Variants in NBPF12 observed in about 807,000 individuals in gnomAD.
NBPF12 encodes the protein NBPF family member NBPF12.
NBPF12 carries 115 observed loss-of-function variants against 146.4 expected under a neutral mutation model. That is an observed-to-expected ratio of 0.79 (90% CI 0.68 to 0.92). NBPF12 has a LOEUF of 0.92. Ranked by LOEUF, NBPF12 falls within the 40% of genes least tolerant of loss-of-function variation. The pLI, the probability that NBPF12 is intolerant of heterozygous loss-of-function variation, is 0.00. For missense variants in NBPF12, 1,205 were observed against 1,326.8 expected, an observed-to-expected ratio of 0.91 and a Z score of 1.43; for synonymous variants, 385 against 508.9, an observed-to-expected ratio of 0.76 and a Z score of 3.28.
intron 9 of NBPF12, 88 bp downstream of exon 12, chr1:146,966,761 A>G: frequency 1.2e-6 from 1 of 819,392 alleles, no homozygotes; most frequent in Non-Finnish European, 2.2e-6. Context: ...CATCAAAAAT[A>G]ATGTCATCCT....
rs1656241577 is a variant in NBPF12 at position 146,966,785 on chromosome 1, G to A, written c.988+112G>A. On this transcript the variant is annotated intron_variant, in intron 9 of 33. Transcript: ENST00000617844. Reference sequence around the variant, plus strand: ...TAATGTCATCCTCCCCATACTTCTAGGAAAACAGAAATGGGTATTTTAACA... The same window carrying A: ...TAATGTCATCCTCCCCATACTTCTAAGAAAACAGAAATGGGTATTTTAACA... 4.0e-6 allele frequency: 3 copies of A among 746,072 alleles called. No homozygotes were observed. The South Asian group carries it at 4.4e-5, about 11-fold the overall frequency. The allele number at this position is 746,072 out of a possible 1,614,324, so 46.2% of individuals were successfully genotyped here. A position where few individuals can be genotyped will look rare whatever the true frequency, so the allele number is the denominator to read the frequency against.
At chr1:146,971,112 G>C in intron 12 of NBPF12, 71 bp from the exon 16 acceptor site, 3 of 1,605,838 alleles carry the variant, frequency 1.9e-6, no homozygotes, top group Non-Finnish European at 2.6e-6. Context: ...GTCAAAACCA[G>C]CTAGGACTCC....
At chr1:146,965,833 G>C (rs1656166397) in intron 8 of NBPF12, among the ~76,000 whole-genome samples, 1 of 136,884 alleles carries the variant, frequency 7.3e-6, no homozygotes. Flanking sequence ...CTCTGACCAG[G>C]GGCGCTGGCT....
At chr1:146,971,809 G>A (rs1656637762) in intron 13 of NBPF12, among the ~76,000 whole-genome samples, 2 of 150,768 alleles carry the variant, frequency 1.3e-5, no homozygotes, top group East Asian at 2.0e-4. Context: ...GCCAGGCGCG[G>A]TGGCTCACAC....
chr1:146,962,252 T>G, exon 5 of NBPF12: 8 of 1,605,030 alleles, frequency 5.0e-6, no homozygotes, highest in Non-Finnish European at 8.5e-7. Context: ...TGAAACAAGC[T>G]GAGGAGCTCA....
intron 2 of NBPF12, among the ~76,000 whole-genome samples, chr1:146,955,027 C>T (rs1164410041): frequency 2.5e-4 from 23 of 91,436 alleles, no homozygotes; most frequent in African/African-American, 4.7e-4. Flanking sequence ...CACACACACA[C>T]ATATATATAT....
chr1:146,985,244 G>A (rs1657679513), intron 22 of NBPF12, among the ~76,000 whole-genome samples: 1 of 143,072 alleles, frequency 7.0e-6, no homozygotes, highest in African/African-American at 2.6e-5. Context: ...GATCTGGGCA[G>A]ATGTGACAAA....
chr1:146,964,220 T>C (rs1656045114), intron 6 of NBPF12, 137 bp from the exon 10 acceptor site: 3 of 1,386,746 alleles, frequency 2.2e-6, no homozygotes, highest in African/African-American at 2.9e-5. Flanking sequence ...CAGAGCATTT[T>C]GTGAAGGATA....
exon 34 of NBPF12, chr1:146,994,652 A>G (rs1368467376): frequency 1.0e-5 from 16 of 1,576,990 alleles, no homozygotes; most frequent in African/African-American, 5.6e-5. Context: ...ATGAAACTAT[A>G]GTTCCATTTG....
At chr1:146,964,763 T>G in intron 7 of NBPF12, 130 bp from the exon 11 acceptor site, 1 of 1,430,672 alleles carries the variant, frequency 7.0e-7, no homozygotes, top group Non-Finnish European at 9.8e-7. Flanking sequence ...GTTCCCTCTT[T>G]AAGGGAACCT....
At chr1:146,978,593 GC>G (rs1275236296) in intron 18 of NBPF12, among the ~76,000 whole-genome samples, 2 of 151,888 alleles carry the variant, frequency 1.3e-5, no homozygotes, top group Non-Finnish European at 2.9e-5. Context: ...ATGTATAGAT[GC>G]CTCTAAACAT....
intron 21 of NBPF12, among the ~76,000 whole-genome samples, 154 bp from the exon 25 acceptor site, chr1:146,984,659 C>T (rs1488421617): frequency 2.8e-5 from 4 of 143,394 alleles, no homozygotes; most frequent in African/African-American, 1.1e-4. Flanking sequence ...TGGCCCTAGT[C>T]TATCACAACA....
At chr1:146,965,187 T>G (rs1374048280) in intron 8 of NBPF12, 83 bp downstream of exon 11, 61 of 839,188 alleles carry the variant, frequency 7.3e-5, no homozygotes, top group Non-Finnish European at 1.1e-4. Context: ...TATACACATA[T>G]TGTTATTGTT....
chr1:146,989,274 T>A (rs1461760097), intron 27 of NBPF12, among the ~76,000 whole-genome samples: 18 of 144,446 alleles, frequency 1.2e-4, no homozygotes, highest in Non-Finnish European at 2.2e-4. Flanking sequence ...GGGCACTAAC[T>A]CAGAGTGTCC....
Position 146,984,021 on chromosome 1 carries a change from T to G in NBPF12, c.2615-113T>G. 5.7e-6 allele frequency: 4 copies of G among 707,050 alleles called. No homozygotes were observed. In the South Asian group the frequency reaches 6.2e-5, roughly 11 times the overall value. The allele number at this position is 707,050 out of a possible 1,614,324, so 43.8% of individuals were successfully genotyped here. On this transcript the variant is annotated intron_variant, in intron 20 of 33. Coordinates refer to ENST00000617844, the Ensembl canonical transcript of NBPF12. ...CTGGAATATTTCTCTCAAAGTCTCC[T>G]GTTCTCACACTGACAAGACTGATGT...
At chr1:146,990,802 A>T (rs1207133500) in intron 29 of NBPF12, among the ~76,000 whole-genome samples, 312 of 99,510 alleles carry the variant, frequency 3.1e-3, no homozygotes, top group Middle Eastern at 4.5e-3. Flanking sequence ...TGTTTTCATG[A>T]TCACTGTTCG....
intron 21 of NBPF12, 137 bp downstream of exon 24, chr1:146,984,322 T>C (rs1180001294): frequency 1.4e-6 from 1 of 716,074 alleles, no homozygotes; most frequent in Non-Finnish European, 2.5e-6. Context: ...CATTGTTTTT[T>C]GGTTCTCATT....
chr1:146,966,695 T>G lies in NBPF12; in HGVS notation c.988+22T>G, dbSNP rs1553885706. The G allele has an allele frequency of 2.4e-4, 295 of 1,221,920 alleles. 6 individuals carry two copies. In the East Asian group the frequency reaches 6.5e-3, roughly 27 times the overall value. 75.7% of individuals were successfully genotyped at this position (1,221,920 alleles called of 1,614,324 possible). On this transcript the variant is annotated intron_variant, in intron 9 of 33. Coordinates refer to ENST00000617844, the Ensembl canonical transcript of NBPF12. ...TACAGTAAGATCTACAGGCTCACCA[T>G]CACGAAAGTGATGAACAACGTCCTG...
upstream of NBPF12, among the ~76,000 whole-genome samples, chr1:146,945,901 G>A (rs1655036008): frequency 3.3e-5 from 5 of 151,786 alleles, no homozygotes; most frequent in African/African-American, 1.2e-4. Flanking sequence ...ACAGCATCAT[G>A]CAAAATAGTT....
Sources: gnomAD v4.1 joint callset for allele counts (sites outside exome capture counted in the v4.1 genomes callset) on GRCh38, gnomAD v4.1.1 for gene constraint, MANE v1.5 for transcripts, NCBI Gene and HGNC (gene_info 2026-07-23, HGNC 2026-07-21) for gene names.